Variants in RAVER2 observed in about 807,000 individuals in gnomAD.
RAVER2 encodes ribonucleoprotein PTB-binding 2.
RAVER2 carries 46 observed loss-of-function variants against 78.1 expected under a neutral mutation model. The ratio of observed to expected loss-of-function variants is 0.59; its 90% CI spans 0.46 to 0.75. The LOEUF (loss-of-function observed/expected upper bound fraction) is 0.75, where lower values mean the gene tolerates loss of function less well. Among genes scored for constraint, RAVER2 ranks in the 30% least tolerant of loss-of-function variants. The probability of loss-of-function intolerance (pLI) is 0.00; values close to 1 mark genes in which losing one functional copy is unlikely to be tolerated. For synonymous variants in RAVER2, 311 were observed against 313.3 expected, an observed-to-expected ratio of 0.99 and a Z score of 0.08; for missense variants, 793 against 837.5, an observed-to-expected ratio of 0.95 and a Z score of 0.66.
intron 2 of RAVER2, among the ~76,000 whole-genome samples, chr1:64,775,143 C>A (rs1652426174): frequency 6.6e-6 from 1 of 152,162 alleles, no homozygotes; most frequent in Non-Finnish European, 1.5e-5. Context: ...TTGACTTCCT[C>A]TTTTCCTAAT....
rs1570516304 is a variant in RAVER2, at chr1:64,745,658, T to A, written c.249+237T>A. On this transcript the variant is annotated intron_variant, in intron 1 of 11. Coordinates refer to ENST00000294428, the Ensembl canonical transcript of RAVER2. This position sits in a 1 kb window ranked among gnomAD's most constrained non-coding sequence, Gnocchi z 4.3. ...GAGTGGCGAAGCGGCTTCTCCAAGG[T>A]CACGGGAATCAGGGGCTGCTGCCTC... 1.3e-5 allele frequency among the ~76,000 whole-genome samples: 2 copies of A among 152,034 alleles called. No individual in the cohort carries two copies. The highest frequency in any genetic ancestry group is 2.9e-5 in the Non-Finnish European group (2 of 68,000).
At chr1:64,821,852 G>C (rs1023777661) in intron 11 of RAVER2, among the ~76,000 whole-genome samples, 4 of 152,144 alleles carry the variant, frequency 2.6e-5, no homozygotes, top group African/African-American at 9.7e-5. Flanking sequence ...CTGGACACAG[G>C]AACGCACAAA....
At chr1:64,796,930 T>G (rs1365310185) in intron 5 of RAVER2, among the ~76,000 whole-genome samples, 1 of 152,180 alleles carries the variant, frequency 6.6e-6, no homozygotes, top group Non-Finnish European at 1.5e-5. Context: ...GATATGTTAT[T>G]TTCATTCATT....
At chr1:64,753,477 C>T (rs1651757874) in intron 1 of RAVER2, among the ~76,000 whole-genome samples, 1 of 150,244 alleles carries the variant, frequency 6.7e-6, no homozygotes, top group Non-Finnish European at 1.5e-5. Flanking sequence ...AATGTATTCA[C>T]TTGAAGTCTT....
At chr1:64,795,356 G>A (rs538966708) in intron 5 of RAVER2, among the ~76,000 whole-genome samples, 14 of 152,062 alleles carry the variant, frequency 9.2e-5, no homozygotes, top group African/African-American at 3.1e-4. Context: ...GAAAAATGTC[G>A]GCTGGGATTT....
chr1:64,824,516 A>C (rs1248057976), intron 11 of RAVER2, among the ~76,000 whole-genome samples: 1 of 152,246 alleles, frequency 6.6e-6, no homozygotes, highest in East Asian at 1.9e-4. Context: ...ACATAAGCCT[A>C]CTTTAAACAA....
intron 11 of RAVER2, 52 bp from the exon 12 acceptor site, chr1:64,830,783 TAATG>T: frequency 6.9e-7 from 1 of 1,445,928 alleles, no homozygotes. Flanking sequence ...TAAATATCTT[TAATG>T]AATAAGCCAA....
intron 11 of RAVER2, among the ~76,000 whole-genome samples, chr1:64,823,987 A>C (rs920944154): frequency 6.6e-6 from 1 of 152,024 alleles, no homozygotes; most frequent in Non-Finnish European, 1.5e-5. Flanking sequence ...TTGTATATTT[A>C]GTAGAGACAG....
intron 11 of RAVER2, among the ~76,000 whole-genome samples, chr1:64,827,778 G>A (rs1654035557): frequency 6.6e-6 from 1 of 152,050 alleles, no homozygotes; most frequent in Non-Finnish European, 1.5e-5. Flanking sequence ...TATCTAATAG[G>A]GACAAGTTCA....
At chr1:64,775,477 AC>A (rs1652434669) in intron 2 of RAVER2, among the ~76,000 whole-genome samples, 1 of 152,212 alleles carries the variant, frequency 6.6e-6, no homozygotes, top group African/African-American at 2.4e-5. Context: ...GGCACATGAT[AC>A]GGAATACATG....
intron 1 of RAVER2, among the ~76,000 whole-genome samples, chr1:64,766,809 A>G (rs1419517018): frequency 6.6e-6 from 1 of 152,168 alleles, no homozygotes; most frequent in Non-Finnish European, 1.5e-5. Flanking sequence ...GTCACCTTCT[A>G]TATAAAGTAT....
At chr1:64,746,027 C>A (rs1169804224) in intron 1 of RAVER2, among the ~76,000 whole-genome samples, 1 of 152,226 alleles carries the variant, frequency 6.6e-6, no homozygotes, top group African/African-American at 2.4e-5. Context: ...CCTCCTGCTA[C>A]GCCAAGTACA....
intron 1 of RAVER2, among the ~76,000 whole-genome samples, chr1:64,762,891 T>C (rs1381792527): frequency 6.6e-6 from 1 of 152,178 alleles, no homozygotes; most frequent in East Asian, 1.9e-4. Context: ...GATGGGACTT[T>C]GGCAAAATTA....
rs947644348 is a variant in RAVER2 at position 64,745,593 on chromosome 1, C to T, written c.249+172C>T. ...TCTTGGGGTTTCTAGCCTGCAGACG[C>T]CCTGCCAGGGAGGGGGGCAGATTGG... On this transcript the variant is annotated intron_variant, in intron 1 of 11. Coordinates refer to ENST00000294428, the Ensembl canonical transcript of RAVER2. The surrounding 1 kb of genome is among the most constrained non-coding windows in gnomAD (Gnocchi z 4.3). 2.9e-5 allele frequency among the ~76,000 whole-genome samples: 4 copies of T among 138,602 alleles called. No individual in the cohort carries two copies. Among genetic ancestry groups the T allele is most frequent in the Admixed American group, 6.9e-5 (1 of 14,502 alleles). 90.9% of individuals were successfully genotyped at this position (138,602 alleles called of 152,430 possible). A position where few individuals can be genotyped will look rare whatever the true frequency, so the allele number is the denominator to read the frequency against.
intron 4 of RAVER2, among the ~76,000 whole-genome samples, chr1:64,785,376 T>C (rs537420418): frequency 1.3e-5 from 2 of 151,324 alleles, no homozygotes; most frequent in African/African-American, 4.8e-5. Flanking sequence ...ACTTTTTTTT[T>C]TTTTTTTTTT....
At position 64,807,188 on chromosome 1, in the gene RAVER2, A is replaced by T. The variant is rs1333478250; in HGVS notation, c.1412-18A>T. 5.6e-6 allele frequency: 9 copies of T among 1,593,372 alleles called. No individual in the cohort carries two copies. The highest frequency in any genetic ancestry group is 5.2e-5 in the Admixed American group (3 of 57,628). On this transcript the variant is annotated intron_variant, in intron 8 of 11. Coordinates refer to ENST00000294428, the Ensembl canonical transcript of RAVER2. ...TATTTTCTAACTAAAAGCTTTTTGC[A>T]TTTATGGTTTGCTACAGCATCTAGC...
At chr1:64,784,448 A>G (rs1229147996) in intron 4 of RAVER2, among the ~76,000 whole-genome samples, 1 of 152,090 alleles carries the variant, frequency 6.6e-6, no homozygotes, top group African/African-American at 2.4e-5. Flanking sequence ...TCATTTTCCT[A>G]TCTGCCTATG....
At chr1:64,795,328 C>G (rs1002453388) in intron 5 of RAVER2, among the ~76,000 whole-genome samples, 10 of 152,022 alleles carry the variant, frequency 6.6e-5, no homozygotes, top group African/African-American at 2.4e-4. Flanking sequence ...ATTTTAGAAT[C>G]AGAGTGCCAA....
rs1035203244 is a variant in RAVER2, at chr1:64,745,169, G to A, written c.-4G>A. 120 of 1,018,300 alleles carry A rather than the reference G, an allele frequency of 1.2e-4. No homozygotes were observed. Among genetic ancestry groups the A allele is most frequent in the Non-Finnish European group, 1.3e-4 (113 of 853,296 alleles). The allele number at this position is 1,018,300 out of a possible 1,614,324, so 63.1% of individuals were successfully genotyped here. A position where few individuals can be genotyped will look rare whatever the true frequency, so the allele number is the denominator to read the frequency against. On this transcript the variant is annotated 5_prime_UTR_variant, in exon 1 of 12. Coordinates refer to ENST00000294428, the Ensembl canonical transcript of RAVER2. The surrounding 1 kb of genome is among the most constrained non-coding windows in gnomAD (Gnocchi z 4.3). Reference sequence around the variant, plus strand: ...GAGTCCGCAGCCGCTGGGCGCCCGGGAAGATGGCGGCGGCGGCGGGAGACG... The same window carrying A: ...GAGTCCGCAGCCGCTGGGCGCCCGGAAAGATGGCGGCGGCGGCGGGAGACG...
Sources: allele counts gnomAD v4.1 joint callset (sites outside exome capture counted in the v4.1 genomes callset), GRCh38; gene constraint gnomAD v4.1.1; non-coding constraint Gnocchi (gnomAD v3.1); transcripts MANE v1.5; gene names NCBI Gene and HGNC (gene_info 2026-07-23, HGNC 2026-07-21).